PLXNA2: variants seen among roughly 807,000 people sequenced by gnomAD.
PLXNA2 encodes the protein plexin-A2.
PLXNA2 carries 91 observed loss-of-function variants against 193.5 expected under a neutral mutation model. The ratio of observed to expected loss-of-function variants is 0.47; its 90% CI spans 0.40 to 0.56. PLXNA2 has a LOEUF of 0.56. Ranked by LOEUF, PLXNA2 falls within the 20% of genes least tolerant of loss-of-function variation. The pLI, the probability that PLXNA2 is intolerant of heterozygous loss-of-function variation, is 0.00. For missense variants in PLXNA2, 1,995 were observed against 2,503.2 expected (o/e 0.80, Z 4.33); for synonymous variants, 997 against 1,027.3 (o/e 0.97, Z 0.56).
At chr1:208,110,028 T>G (rs1334816935) in intron 4 of PLXNA2, among the ~76,000 whole-genome samples, 1 of 152,244 alleles carries the variant, frequency 6.6e-6, no homozygotes, top group Non-Finnish European at 1.5e-5. Flanking sequence ...TCTGTAGATT[T>G]TCTGCCTGGC....
intron 3 of PLXNA2, 50 bp downstream of exon 3, chr1:208,210,228 CTT>C (rs1270180256): frequency 1.9e-6 from 3 of 1,584,664 alleles, no homozygotes; most frequent in East Asian, 4.5e-5. Flanking sequence ...AAGAGGGACT[CTT>C]TGCTGAGGAG....
intron 12 of PLXNA2, among the ~76,000 whole-genome samples, chr1:208,072,532 CT>C (rs143098690): frequency 1.7e-3 from 256 of 152,316 alleles, no homozygotes; most frequent in African/African-American, 6.0e-3. Context: ...TCCCATTAGG[CT>C]GAGATGCTTG....
chr1:208,244,354 G>A lies in PLXNA2; in HGVS notation c.-792C>T, dbSNP rs757535936. 8 of 194,988 alleles carry A rather than the reference G, an allele frequency of 4.1e-5. No individual in the cohort carries two copies. Among genetic ancestry groups the A allele is most frequent in the Non-Finnish European group, 7.0e-5 (7 of 99,610 alleles). The allele number at this position is 194,988 out of a possible 1,614,324, so 12.1% of individuals were successfully genotyped here. ...GGCGGCGGAGGAGCCCTGAGCGCCG[G>A]CCTCCCTATTTCACCATGCAGCTCA... is the stretch of plus-strand genomic sequence containing the variant. On this transcript the variant is annotated 5_prime_UTR_variant, in exon 1 of 32. Coordinates refer to ENST00000367033, the MANE Select transcript of PLXNA2 (RefSeq NM_025179.4).
intron 3 of PLXNA2, among the ~76,000 whole-genome samples, chr1:208,146,418 A>G (rs1453641924): frequency 6.6e-6 from 1 of 152,176 alleles, no homozygotes; most frequent in Non-Finnish European, 1.5e-5. Context: ...AAAACTTCCA[A>G]TCCATGGTGG....
intron 4 of PLXNA2, among the ~76,000 whole-genome samples, chr1:208,140,305 A>G (rs1326021241): frequency 6.6e-6 from 1 of 152,166 alleles, no homozygotes; most frequent in African/African-American, 2.4e-5. Flanking sequence ...CTTTGGATAC[A>G]TTTTGAATGC....
At chr1:208,032,003 C>T in intron 28 of PLXNA2, 1 of 985,212 alleles carries the variant, frequency 1.0e-6, no homozygotes, top group Non-Finnish European at 1.2e-6. Context: ...CCACATTCCA[C>T]ACAGGGTGTA....
intron 17 of PLXNA2, among the ~76,000 whole-genome samples, chr1:208,047,714 C>T (rs1022271254): frequency 3.3e-5 from 5 of 152,214 alleles, no homozygotes; most frequent in Non-Finnish European, 5.9e-5. Flanking sequence ...TACACACACA[C>T]GAGCTTCATG....
At position 208,026,427 on chromosome 1, in the gene PLXNA2, T is replaced by C. The variant is rs1664342549; in HGVS notation, c.*816A>G. 1 of 152,244 alleles carries C rather than the reference T, an allele frequency of 6.6e-6. No homozygotes were observed. The highest frequency in any genetic ancestry group is 2.4e-5 in the African/African-American group (1 of 41,466). The allele number at this position is 152,244 out of a possible 1,614,324, so 9.4% of individuals were successfully genotyped here. ...AGTAGCAAAAAGCATTGGTACTATC[T>C]AGGTACACATCTCCTCTCAAAAGAT... On this transcript the variant is annotated 3_prime_UTR_variant, in exon 32 of 32. Coordinates refer to ENST00000367033, the MANE Select transcript of PLXNA2 (RefSeq NM_025179.4).
chr1:208,207,633 T>G (rs1670776712), intron 3 of PLXNA2, among the ~76,000 whole-genome samples: 1 of 152,172 alleles, frequency 6.6e-6, no homozygotes, highest in South Asian at 2.1e-4. Context: ...TTAGCTATTT[T>G]TTTTCTTTAT....
intron 28 of PLXNA2, 138 bp from the exon 29 acceptor site, chr1:208,031,897 T>G (rs1571841080): frequency 7.9e-7 from 1 of 1,268,394 alleles, no homozygotes; most frequent in African/African-American, 1.6e-5. Context: ...TGTTGCGGGG[T>G]GGGGAAGGGT....
intron 1 of PLXNA2, among the ~76,000 whole-genome samples, chr1:208,222,556 G>A (rs1294631101): frequency 6.6e-6 from 1 of 152,204 alleles, no homozygotes; most frequent in Non-Finnish European, 1.5e-5. Context: ...GATTCAGGAG[G>A]CAGGTGTTAG....
chr1:208,096,580 C>A, intron 7 of PLXNA2, 150 bp downstream of exon 7: 1 of 856,264 alleles, frequency 1.2e-6, no homozygotes, highest in Non-Finnish European at 1.8e-6. Flanking sequence ...CACTTTGGGG[C>A]ATGACAGTTT....
chr1:208,120,958 G>T (rs115973789), intron 4 of PLXNA2, among the ~76,000 whole-genome samples: 1 of 152,190 alleles, frequency 6.6e-6, no homozygotes, highest in East Asian at 1.9e-4. Context: ...AAAGCAGAGA[G>T]AATGAGCTAT....
At chr1:208,055,882 CTG>C (rs1395623042) in intron 13 of PLXNA2, among the ~76,000 whole-genome samples, 2 of 152,188 alleles carry the variant, frequency 1.3e-5, no homozygotes, top group African/African-American at 4.8e-5. Context: ...CATGCAATAA[CTG>C]TCTTATTACG....
intron 10 of PLXNA2, among the ~76,000 whole-genome samples, chr1:208,083,515 G>A (rs908385743): frequency 2.0e-5 from 3 of 151,666 alleles, no homozygotes; most frequent in Non-Finnish European, 4.4e-5. Flanking sequence ...TGCGCTTGGC[G>A]GCCTTCCACC....
Position 208,217,295 on chromosome 1 carries a change from A to G in PLXNA2, c.628T>C (p.Ser210Pro), listed in dbSNP as rs961211489. Residue 210 changes from serine to proline, a missense_variant, in exon 2 of 32, where the codon TCA becomes CCA. This residue lies in a region of PLXNA2 where 702 missense variants were observed against 812.9 expected (regional missense o/e 0.86). Coordinates refer to ENST00000367033, the MANE Select transcript of PLXNA2 (RefSeq NM_025179.4). This position sits in a 1 kb window ranked among gnomAD's most constrained non-coding sequence, Gnocchi z 4.7. ...SRKLPRDPES[S>P]AMLDYELHSD... ...TGTAGCTCATAGTCGAGCATGGCTG[A>G]GGACTCAGGGTCTCGGGGCAGCTTC... 6.2e-7 allele frequency: 1 copy of G among 1,614,090 alleles called. No homozygotes were observed. The highest frequency in any genetic ancestry group is 1.3e-5 in the African/African-American group (1 of 74,920).
chr1:208,228,162 C>A (rs1267667151), intron 1 of PLXNA2, among the ~76,000 whole-genome samples: 2 of 152,168 alleles, frequency 1.3e-5, no homozygotes, highest in Non-Finnish European at 2.9e-5. Context: ...GGTGAGAGAA[C>A]TTCCTGCTTT....
intron 3 of PLXNA2, among the ~76,000 whole-genome samples, chr1:208,191,201 C>T (rs922719588): frequency 9.2e-5 from 14 of 152,174 alleles, no homozygotes; most frequent in African/African-American, 1.9e-4. Flanking sequence ...GTAAGAATCC[C>T]GGAGGTCCTG....
At chr1:208,194,105 C>T (rs1031483822) in intron 3 of PLXNA2, among the ~76,000 whole-genome samples, 4 of 151,844 alleles carry the variant, frequency 2.6e-5, no homozygotes, top group African/African-American at 7.3e-5. Flanking sequence ...CTTTTTAGGC[C>T]TATCCCTCAG....
Sources: gnomAD v4.1 joint callset for allele counts (sites outside exome capture counted in the v4.1 genomes callset) on GRCh38, gnomAD v4.1.1 for gene constraint, gnomAD v4.1.1 regional missense constraint, Gnocchi (gnomAD v3.1) non-coding constraint, MANE v1.5 for transcripts, NCBI Gene and HGNC (gene_info 2026-07-23, HGNC 2026-07-21) for gene names.